GLT1D1: variants seen among roughly 807,000 people sequenced by gnomAD.
GLT1D1 encodes the protein glycosyltransferase 1 domain-containing protein 1.
GLT1D1 carries 21 observed loss-of-function variants against 28.7 expected under a neutral mutation model. The ratio of observed to expected loss-of-function variants is 0.73; its 90% CI spans 0.52 to 1.05. GLT1D1 has a LOEUF of 1.05. Among genes scored for constraint, GLT1D1 ranks in the 50% least tolerant of loss-of-function variants. GLT1D1 has a pLI of 0.00. For missense variants in GLT1D1, 343 were observed against 330.6 expected (o/e 1.04, Z -0.29); for synonymous variants, 147 against 124.8 (o/e 1.18, Z -1.19).
intron 1 of GLT1D1, 62 bp downstream of exon 1, chr12:128,853,711 G>C: frequency 1.0e-6 from 1 of 990,038 alleles, no homozygotes. Context: ...GGGGACGCGG[G>C]ACCCGGGGAC....
chr12:128,897,231 T>G (rs1293507015), intron 3 of GLT1D1, among the ~76,000 whole-genome samples: 1 of 152,212 alleles, frequency 6.6e-6, no homozygotes, highest in East Asian at 1.9e-4. Flanking sequence ...CATCCCTTTT[T>G]GCCCCTTGGG....
intron 2 of GLT1D1, among the ~76,000 whole-genome samples, chr12:128,880,596 C>G (rs1957009736): frequency 6.6e-6 from 1 of 152,220 alleles, no homozygotes; most frequent in South Asian, 2.1e-4. Flanking sequence ...GGGACCTTCT[C>G]TGCACCAGTT....
At chr12:128,874,084 CTTTCTTTCTT>C (rs1566090971) in intron 1 of GLT1D1, among the ~76,000 whole-genome samples, 11 of 13,290 alleles carry the variant, frequency 8.3e-4, no homozygotes, top group African/African-American at 2.2e-3. Flanking sequence ...TTCTTTCTTT[CTTTCTTTCTT>C]TCTTTCTCTC....
intron 4 of GLT1D1, among the ~76,000 whole-genome samples, chr12:128,905,332 G>A (rs1870741530): frequency 6.6e-6 from 1 of 152,184 alleles, no homozygotes; most frequent in South Asian, 2.1e-4. Context: ...TCAGCCACGT[G>A]GCCACGTGTG....
At chr12:128,920,028 A>G (rs1235508901) in intron 4 of GLT1D1, among the ~76,000 whole-genome samples, 1 of 144,634 alleles carries the variant, frequency 6.9e-6, no homozygotes, top group Non-Finnish European at 1.5e-5. Context: ...TGTCAACTCT[A>G]TTTGTATTTC....
At chr12:128,957,756 C>G in intron 7 of GLT1D1, 113 bp downstream of exon 11, 1 of 696,116 alleles carries the variant, frequency 1.4e-6, no homozygotes, top group African/African-American at 1.8e-5. Context: ...TACCCGGAGC[C>G]CTGCGGAGAG....
chr12:128,916,111 C>A (rs567803700), intron 4 of GLT1D1, among the ~76,000 whole-genome samples: 1 of 152,178 alleles, frequency 6.6e-6, no homozygotes, highest in East Asian at 1.9e-4. Context: ...TAAGTGGAGT[C>A]ATGCATTGAA....
chr12:128,920,510 C>A (rs978683061), intron 4 of GLT1D1, among the ~76,000 whole-genome samples: 10 of 151,928 alleles, frequency 6.6e-5, no homozygotes, highest in Non-Finnish European at 1.0e-4. Context: ...GGTGAGATTG[C>A]GGCATTGCAC....
intron 7 of GLT1D1, among the ~76,000 whole-genome samples, chr12:128,962,758 G>A (rs1189955101): frequency 6.6e-6 from 1 of 152,160 alleles, no homozygotes; most frequent in African/African-American, 2.4e-5. Flanking sequence ...CTGGAGTGCA[G>A]TGATGTGATC....
intron 4 of GLT1D1, among the ~76,000 whole-genome samples, chr12:128,933,279 C>T (rs913034005): frequency 4.6e-5 from 7 of 152,260 alleles, no homozygotes; most frequent in African/African-American, 1.7e-4. Flanking sequence ...TAGACGCAGG[C>T]GGCGCCCGTG....
Position 128,904,703 on chromosome 12 carries a change from G to A in GLT1D1, c.375+5416G>A, listed in dbSNP as rs560507276. 5.7e-4 allele frequency among the ~76,000 whole-genome samples: 83 copies of A among 146,368 alleles called. 2 individuals are homozygous for A. Among genetic ancestry groups the A allele is most frequent in the Admixed American group, 4.8e-3 (71 of 14,664 alleles). On this transcript the variant is annotated intron_variant, in intron 4 of 7. Transcript: ENST00000281703. ...TGCTGGAGTGCAGTAGTGCGATCTC[G>A]GCTCACCGCAACCTGCGGCTCCCGG...
rs144573844 is a variant in GLT1D1 at position 128,941,221 on chromosome 12, A to T, written c.376-4105A>T. 2.2e-3 allele frequency among the ~76,000 whole-genome samples: 338 copies of T among 152,288 alleles called. 1 individual carries two copies. Among genetic ancestry groups the T allele is most frequent in the African/African-American group, 7.5e-3 (311 of 41,568 alleles). On this transcript the variant is annotated intron_variant, in intron 4 of 7. Coordinates refer to ENST00000281703, the MANE Select transcript of GLT1D1 (RefSeq NM_144669.3). ...ATTGGCACATCACGTCTACTCATTC[A>T]TCAGCTGATGATCAGGTCCTGGCCT...
At chr12:128,862,806 C>T (rs764955870) in intron 1 of GLT1D1, among the ~76,000 whole-genome samples, 23 of 152,112 alleles carry the variant, frequency 1.5e-4, no homozygotes, top group Admixed American at 3.9e-4. Flanking sequence ...CACATCAGCT[C>T]GATGCTAAGC....
chr12:128,913,519 C>T (rs1049867369), intron 4 of GLT1D1, among the ~76,000 whole-genome samples: 1 of 152,210 alleles, frequency 6.6e-6, no homozygotes, highest in African/African-American at 2.4e-5. Context: ...CCGTGCCCGG[C>T]CTCTCTAAAC....
At chr12:128,918,006 C>T (rs1203055701) in intron 4 of GLT1D1, among the ~76,000 whole-genome samples, 3 of 152,088 alleles carry the variant, frequency 2.0e-5, no homozygotes, top group African/African-American at 4.8e-5. Context: ...GATACATGCA[C>T]GTGTATGTTC....
At position 128,982,918 on chromosome 12, in the gene GLT1D1, C is replaced by CT. The variant is rs747250421; in HGVS notation, c.640-5dup. The CT allele has an allele frequency of 6.2e-7, 1 of 1,613,346 alleles. No individual in the cohort carries two copies. The highest frequency in any genetic ancestry group is 1.1e-5 in the South Asian group (1 of 91,052). On this transcript the variant is annotated splice_polypyrimidine_tract_variant and intron_variant, in intron 7 of 7. Transcript: ENST00000281703. ...AGTGATTTATGTCTACTTCTCCTTC[C>CT]TTTTTTGCAGGAGTTTGTTCATCTG...
At chr12:128,941,960 G>A (rs1378268534) in intron 4 of GLT1D1, among the ~76,000 whole-genome samples, 2 of 143,732 alleles carry the variant, frequency 1.4e-5, no homozygotes, top group African/African-American at 5.3e-5. Context: ...TTAATAGCTG[G>A]GCTCATAGTA....
At chr12:128,888,133 A>C (rs2135827422) in intron 2 of GLT1D1, among the ~76,000 whole-genome samples, 1 of 152,252 alleles carries the variant, frequency 6.6e-6, no homozygotes, top group African/African-American at 2.4e-5. Context: ...ATCCTAGTTG[A>C]GCCTGTCATA....
intron 1 of GLT1D1, among the ~76,000 whole-genome samples, chr12:128,855,244 C>A (rs11059976): frequency 0.23 from 23,312 of 101,032 alleles, 2,631 homozygotes; most frequent in East Asian, 0.34. Flanking sequence ...AAAAAAAAAA[C>A]AACAACAACA....
Sources: gnomAD v4.1 joint callset for allele counts (sites outside exome capture counted in the v4.1 genomes callset) on GRCh38, gnomAD v4.1.1 for gene constraint, MANE v1.5 for transcripts, NCBI Gene and HGNC (gene_info 2026-07-23, HGNC 2026-07-21) for gene names.